The following ASIC2 variants were observed in gnomAD, a reference collection of about 807,000 sequenced individuals.
The protein encoded by ASIC2 is acid-sensing ion channel 2.
ASIC2 carries 25 observed loss-of-function variants against 57.3 expected under a neutral mutation model. The observed-to-expected ratio is 0.44, with a 90% CI of 0.32 to 0.61. ASIC2 has a LOEUF of 0.61. ASIC2 is among the 20% of genes least tolerant of loss of function. The pLI is 0.06. For missense variants in ASIC2, 641 were observed against 738.1 expected (o/e 0.87, Z 1.52); for synonymous variants, 319 against 307.5 (o/e 1.04, Z -0.39).
intron 1 of ASIC2, among the ~76,000 whole-genome samples, chr17:33,536,668 C>G (rs1471323350): frequency 6.6e-6 from 1 of 152,208 alleles, no homozygotes; most frequent in Non-Finnish European, 1.5e-5. Context: ...ATTTTCTGCT[C>G]TTTCCCAGTT....
chr17:33,528,773 A>G (rs1914964721), intron 1 of ASIC2, among the ~76,000 whole-genome samples: 1 of 152,174 alleles, frequency 6.6e-6, no homozygotes, highest in Admixed American at 6.5e-5. Flanking sequence ...GAATCACCCT[A>G]TTTGCTGCTG....
At position 33,642,223 on chromosome 17, in the gene ASIC2, C is replaced by A. The variant is rs867872881; in HGVS notation, c.555+513755G>T. Among the ~76,000 whole-genome samples the A allele has an allele frequency of 1.4e-3, 175 of 127,722 alleles. No individual in the cohort carries two copies. The Middle Eastern group carries it at 0.017, about 12-fold the overall frequency. The allele number at this position is 127,722 out of a possible 152,430, so 83.8% of individuals were successfully genotyped here. On this transcript the variant is annotated intron_variant, in intron 1 of 9. Transcript: ENST00000359872. ...CAAAAGGACACCCCCCCCCCCCCCA[C>A]ACACAATGGTTATGGCTGCACACCT...
At chr17:33,683,773 G>A (rs1428471163) in intron 1 of ASIC2, among the ~76,000 whole-genome samples, 2 of 152,066 alleles carry the variant, frequency 1.3e-5, no homozygotes, top group East Asian at 1.9e-4. Flanking sequence ...AAACTCCTGG[G>A]CTCAAGCAAT....
At position 33,819,144 on chromosome 17, in the gene ASIC2, G is replaced by A. The variant is rs553010213; in HGVS notation, c.555+336834C>T. Among the ~76,000 whole-genome samples the A allele has an allele frequency of 9.2e-5, 14 of 152,350 alleles. No individual in the cohort carries two copies. The South Asian group carries it at 2.1e-3, about 23-fold the overall frequency. ...CTAAGAAAGGCTCTTCACAGAGCTG[G>A]TAAGTATGCCTCTCAGCTCCAGGAA... is the stretch of plus-strand genomic sequence containing the variant. On this transcript the variant is annotated intron_variant, in intron 1 of 9. Transcript: ENST00000359872.
chr17:33,559,503 G>A (rs1167783612), intron 1 of ASIC2, among the ~76,000 whole-genome samples: 5 of 151,954 alleles, frequency 3.3e-5, no homozygotes, highest in Admixed American at 1.3e-4. Context: ...TTCAAAGGTC[G>A]TGGTCTTGCC....
chr17:33,625,739 T>A (rs1333315961), intron 1 of ASIC2, among the ~76,000 whole-genome samples: 1 of 152,152 alleles, frequency 6.6e-6, no homozygotes, highest in African/African-American at 2.4e-5. Context: ...GAAATAAAAT[T>A]GACAAATCTG....
intron 1 of ASIC2, among the ~76,000 whole-genome samples, chr17:33,317,886 AGTGTGTGTGTGT>A (rs57716479): frequency 0.067 from 9,653 of 144,470 alleles, 559 homozygotes; most frequent in African/African-American, 0.14. Flanking sequence ...TGTGGAGATG[AGTGTGTGTGTGT>A]GTGTGTGTGT....
chr17:34,134,253 T>C (rs1184560028), intron 1 of ASIC2, among the ~76,000 whole-genome samples: 3 of 152,158 alleles, frequency 2.0e-5, no homozygotes, highest in Non-Finnish European at 4.4e-5. Context: ...TTTGAAATGT[T>C]GTAAATGGTC....
chr17:33,623,571 G>C (rs1470113195), intron 1 of ASIC2: 1 of 151,938 alleles, frequency 6.6e-6, no homozygotes, highest in Non-Finnish European at 1.5e-5. Flanking sequence ...CTGGCCTCTT[G>C]TGATATCTTA....
At chr17:34,073,354 C>T (rs1181717782) in intron 1 of ASIC2, among the ~76,000 whole-genome samples, 1 of 152,156 alleles carries the variant, frequency 6.6e-6, no homozygotes, top group East Asian at 1.9e-4. Flanking sequence ...CTAGATATAG[C>T]CCACAAGCTA....
intron 1 of ASIC2, among the ~76,000 whole-genome samples, chr17:33,164,001 G>C (rs1905235314): frequency 6.6e-6 from 1 of 152,206 alleles, no homozygotes; most frequent in African/African-American, 2.4e-5. Context: ...TCAATTCATA[G>C]GCGGGAAAAT....
intron 1 of ASIC2, among the ~76,000 whole-genome samples, chr17:33,821,764 T>C (rs1042934102): frequency 1.3e-5 from 2 of 152,236 alleles, no homozygotes; most frequent in Non-Finnish European, 1.5e-5. Context: ...CACTTGTTTA[T>C]TGAAAGGGAA....
At chr17:33,379,072 T>C (rs1462820776) in intron 1 of ASIC2, among the ~76,000 whole-genome samples, 1 of 152,198 alleles carries the variant, frequency 6.6e-6, no homozygotes, top group Non-Finnish European at 1.5e-5. Flanking sequence ...TATTGGAGCA[T>C]TAAATGAGAT....
intron 1 of ASIC2, among the ~76,000 whole-genome samples, chr17:33,494,935 A>T (rs1009741338): frequency 1.3e-5 from 2 of 152,204 alleles, no homozygotes; most frequent in African/African-American, 2.4e-5. Flanking sequence ...GCTGTGCTCC[A>T]GGGTCTCTCT....
chr17:34,029,557 T>G (rs1907513206), intron 1 of ASIC2, among the ~76,000 whole-genome samples: 1 of 152,172 alleles, frequency 6.6e-6, no homozygotes, highest in Non-Finnish European at 1.5e-5. Context: ...CCAATATGAC[T>G]GTAGTATTTG....
intron 1 of ASIC2, among the ~76,000 whole-genome samples, chr17:33,967,213 C>T (rs1000985374): frequency 6.6e-6 from 1 of 152,030 alleles, no homozygotes; most frequent in Admixed American, 6.6e-5. Context: ...TTCCCTATTA[C>T]CCACCTAATG....
chr17:33,291,039 T>A, intron 1 of ASIC2: 1 of 199,628 alleles, frequency 5.0e-6, no homozygotes, highest in Non-Finnish European at 9.7e-6. Context: ...AGATCTACAC[T>A]CCAAACACAG....
At chr17:33,963,990 C>T (rs1905003147) in intron 1 of ASIC2, among the ~76,000 whole-genome samples, 1 of 152,164 alleles carries the variant, frequency 6.6e-6, no homozygotes, top group East Asian at 1.9e-4. Context: ...GCTTCAGTCT[C>T]CTTTGTAAGA....
At chr17:33,111,734 G>T (rs72819110) in intron 2 of ASIC2, 183 bp downstream of exon 2, 62,015 of 733,596 alleles carry the variant, frequency 0.085, 3,117 homozygotes, top group Middle Eastern at 0.13. Flanking sequence ...ATAGTAAAAG[G>T]TGAGGAAACC....
Sources: allele counts gnomAD v4.1 joint callset (sites outside exome capture counted in the v4.1 genomes callset), GRCh38; gene constraint gnomAD v4.1.1; transcripts MANE v1.5; gene names NCBI Gene and HGNC (gene_info 2026-07-23, HGNC 2026-07-21).